Variants in PCDH7 observed in about 807,000 individuals in gnomAD.
The protein encoded by PCDH7 is protocadherin-7.
In PCDH7, 17 loss-of-function variants were observed where a neutral mutation model predicts 58.9. That is an observed-to-expected ratio of 0.29 (90% CI 0.20 to 0.43). The LOEUF (loss-of-function observed/expected upper bound fraction) is 0.43, where lower values mean the gene tolerates loss of function less well. Ranked by LOEUF, PCDH7 falls within the 20% of genes least tolerant of loss-of-function variation. The pLI is 1.00. For missense variants in PCDH7, 1,274 were observed against 1,441.0 expected (o/e 0.88, Z 1.88); for synonymous variants, 664 against 616.4 (o/e 1.08, Z -1.14).
chr4:30,949,378 G>A (rs952704945), intron 2 of PCDH7, among the ~76,000 whole-genome samples: 4 of 151,890 alleles, frequency 2.6e-5, no homozygotes, highest in Non-Finnish European at 5.9e-5. Flanking sequence ...GTATTGCAGA[G>A]GTTATTAAAA....
chr4:30,968,320 T>G (rs1467753408), intron 3 of PCDH7, among the ~76,000 whole-genome samples: 1 of 21,632 alleles, frequency 4.6e-5, no homozygotes, highest in Admixed American at 4.7e-4. Context: ...ATATATACAC[T>G]ATATATATAT....
intron 3 of PCDH7, among the ~76,000 whole-genome samples, chr4:31,079,011 A>T (rs1004516359): frequency 4.6e-5 from 7 of 151,914 alleles, no homozygotes; most frequent in Admixed American, 4.6e-4. Flanking sequence ...AATTGGGTGT[A>T]GGAAGAGTGG....
At chr4:31,063,836 A>C (rs751399210) in intron 3 of PCDH7, among the ~76,000 whole-genome samples, 2 of 151,906 alleles carry the variant, frequency 1.3e-5, no homozygotes, top group Admixed American at 6.6e-5. Context: ...CAGCATCTCA[A>C]TGAGGGTCAG....
At chr4:31,107,951 CA>C (rs1264364799) in intron 3 of PCDH7, among the ~76,000 whole-genome samples, 2 of 151,858 alleles carry the variant, frequency 1.3e-5, no homozygotes, top group Admixed American at 1.3e-4. Flanking sequence ...AAGGGGCAGC[CA>C]AAAATATCAA....
At chr4:30,815,346 C>G (rs1407071501) in intron 1 of PCDH7, among the ~76,000 whole-genome samples, 1 of 151,930 alleles carries the variant, frequency 6.6e-6, no homozygotes, top group Non-Finnish European at 1.5e-5. Flanking sequence ...AGTTTTAGAG[C>G]AAGAATGAGC....
chr4:30,912,937 A>G (rs567287664), intron 1 of PCDH7, among the ~76,000 whole-genome samples: 47 of 152,166 alleles, frequency 3.1e-4, no homozygotes, highest in African/African-American at 1.0e-3. Context: ...TGTGGGACAT[A>G]ATATTTGCTT....
intron 3 of PCDH7, among the ~76,000 whole-genome samples, chr4:31,063,289 T>A (rs557491436): frequency 9.2e-5 from 14 of 151,972 alleles, no homozygotes; most frequent in Non-Finnish European, 2.1e-4. Context: ...AACATAACTT[T>A]AATACATGCA....
chr4:31,059,088 C>G (rs1757481348), intron 3 of PCDH7, among the ~76,000 whole-genome samples: 1 of 151,896 alleles, frequency 6.6e-6, no homozygotes, highest in South Asian at 2.1e-4. Flanking sequence ...GAATTTACTT[C>G]TTAAAATTGT....
intron 1 of PCDH7, among the ~76,000 whole-genome samples, chr4:30,744,247 A>G (rs906510308): frequency 1.3e-5 from 2 of 152,184 alleles, no homozygotes. Context: ...TGAAAAAACC[A>G]TAAAGGACTA....
intron 3 of PCDH7, among the ~76,000 whole-genome samples, chr4:31,088,715 T>TA (rs1469502593): frequency 6.6e-6 from 1 of 152,026 alleles, no homozygotes; most frequent in Admixed American, 6.6e-5. Context: ...TTTGTTTTTT[T>TA]AAAAATGTCA....
At chr4:31,056,468 A>C (rs867388204) in intron 3 of PCDH7, among the ~76,000 whole-genome samples, 1 of 127,662 alleles carries the variant, frequency 7.8e-6, no homozygotes, top group African/African-American at 2.9e-5. Flanking sequence ...GAAGAAAGAA[A>C]GAAAGAAAGA....
At chr4:31,056,071 C>T (rs912345956) in intron 3 of PCDH7, among the ~76,000 whole-genome samples, 2 of 152,002 alleles carry the variant, frequency 1.3e-5, no homozygotes, top group African/African-American at 2.4e-5. Context: ...CAGAAGTGGA[C>T]TTAGAAAATA....
At chr4:30,817,075 C>A (rs1421344118) in intron 1 of PCDH7, among the ~76,000 whole-genome samples, 1 of 152,126 alleles carries the variant, frequency 6.6e-6, no homozygotes, top group African/African-American at 2.4e-5. Flanking sequence ...TATGCAATCT[C>A]TATTTTGAGG....
chr4:31,110,188 T>C (rs2109310292), intron 3 of PCDH7, among the ~76,000 whole-genome samples: 1 of 152,356 alleles, frequency 6.6e-6, no homozygotes, highest in Admixed American at 6.5e-5. Flanking sequence ...AAGAGTATTC[T>C]TGGGGCATAT....
intron 3 of PCDH7, among the ~76,000 whole-genome samples, chr4:31,019,555 G>T (rs113275180): frequency 0.018 from 2,804 of 152,094 alleles, 32 homozygotes; most frequent in Non-Finnish European, 0.026. Flanking sequence ...AATTATCCGG[G>T]TGTGGTGGTG....
intron 1 of PCDH7, among the ~76,000 whole-genome samples, chr4:30,745,913 C>A (rs1028973869): frequency 2.0e-5 from 3 of 152,106 alleles, no homozygotes; most frequent in Non-Finnish European, 2.9e-5. Flanking sequence ...GATCTCAGCT[C>A]ACTGCAACCT....
At chr4:30,809,268 T>C (rs1277799423) in intron 1 of PCDH7, among the ~76,000 whole-genome samples, 1 of 152,172 alleles carries the variant, frequency 6.6e-6, no homozygotes, top group African/African-American at 2.4e-5. Flanking sequence ...TCAAATCGTC[T>C]TTCCCCTTCC....
chr4:30,791,034 G>C (rs771162307), intron 1 of PCDH7, among the ~76,000 whole-genome samples: 1 of 152,152 alleles, frequency 6.6e-6, no homozygotes, highest in Non-Finnish European at 1.5e-5. Context: ...TGGGCTTAAC[G>C]TATGTTCCTG....
chr4:30,856,605 G>A (rs535042367), intron 1 of PCDH7, among the ~76,000 whole-genome samples: 4 of 151,134 alleles, frequency 2.6e-5, no homozygotes, highest in Non-Finnish European at 5.9e-5. Context: ...TGATACATAC[G>A]TGTATAGGCA....
Sources: gnomAD v4.1 joint callset for allele counts (sites outside exome capture counted in the v4.1 genomes callset) on GRCh38, gnomAD v4.1.1 for gene constraint, MANE v1.5 for transcripts, NCBI Gene and HGNC (gene_info 2026-07-23, HGNC 2026-07-21) for gene names.